CDH12: variants seen among roughly 807,000 people sequenced by gnomAD.
The protein encoded by CDH12 is cadherin 12.
A neutral mutation model predicts 74.1 loss-of-function variants in CDH12; 41 were observed. That is an observed-to-expected ratio of 0.55 (90% CI 0.43 to 0.72). The LOEUF (loss-of-function observed/expected upper bound fraction) is 0.72. Ranked by LOEUF, CDH12 falls within the 30% of genes least tolerant of loss-of-function variation. The pLI is 0.00. For missense variants in CDH12, 945 were observed against 977.2 expected, an observed-to-expected ratio of 0.97 and a Z score of 0.44; for synonymous variants, 399 against 355.0, an observed-to-expected ratio of 1.12 and a Z score of -1.39.
intron 6 of CDH12, among the ~76,000 whole-genome samples, chr5:21,876,564 C>G (rs1751949464): frequency 6.6e-6 from 1 of 152,166 alleles, no homozygotes; most frequent in African/African-American, 2.4e-5. Flanking sequence ...CTAAACATTT[C>G]TACAATGTTT....
At chr5:22,457,462 C>G (rs1389963884) in intron 2 of CDH12, among the ~76,000 whole-genome samples, 1 of 151,864 alleles carries the variant, frequency 6.6e-6, no homozygotes, top group African/African-American at 2.4e-5. Context: ...CTCTGTGGCC[C>G]AGGCTGGAGT....
Position 21,798,358 on chromosome 5 carries a change from G to A in CDH12, c.1256+3809C>T, listed in dbSNP as rs140046482. On this transcript the variant is annotated intron_variant, in intron 10 of 14. Transcript: ENST00000382254. ...GTGAATCATGTTGTAATATGGAAAT[G>A]TAAAATAATAGTTTGAATTCAGTGA... Among the ~76,000 whole-genome samples the A allele has an allele frequency of 5.8e-3, 885 of 151,998 alleles. 4 individuals carry two copies. Among genetic ancestry groups the A allele is most frequent in the Non-Finnish European group, 8.5e-3 (575 of 67,952 alleles).
At chr5:22,065,833 C>T (rs1313141659) in intron 5 of CDH12, among the ~76,000 whole-genome samples, 1 of 152,090 alleles carries the variant, frequency 6.6e-6, no homozygotes, top group East Asian at 1.9e-4. Flanking sequence ...GCATGTTTAC[C>T]AATAAACCAT....
At chr5:22,670,486 C>T (rs1038590) in intron 1 of CDH12, among the ~76,000 whole-genome samples, 77,899 of 151,932 alleles carry the variant, frequency 0.51, 20,657 homozygotes, top group Non-Finnish European at 0.58. Flanking sequence ...TTCCTTCTAG[C>T]TCACTTCTAT....
At chr5:22,723,667 G>C (rs999140667) in intron 1 of CDH12, among the ~76,000 whole-genome samples, 1 of 151,952 alleles carries the variant, frequency 6.6e-6, no homozygotes, top group Non-Finnish European at 1.5e-5. Flanking sequence ...TCTAAATTTT[G>C]AGACAATAAT....
At chr5:22,286,560 A>T (rs1215028882) in intron 3 of CDH12, among the ~76,000 whole-genome samples, 4 of 152,230 alleles carry the variant, frequency 2.6e-5, no homozygotes, top group Non-Finnish European at 5.9e-5. Flanking sequence ...TGTGAAATAC[A>T]ACACAATGTG....
chr5:21,904,766 G>A (rs1478768635), intron 6 of CDH12, among the ~76,000 whole-genome samples: 1 of 146,450 alleles, frequency 6.8e-6, no homozygotes, highest in Non-Finnish European at 1.5e-5. Context: ...ACCAAAGCAT[G>A]ACAGTGTCTC....
At chr5:21,880,616 CTT>C (rs1752256729) in intron 6 of CDH12, among the ~76,000 whole-genome samples, 1 of 50,810 alleles carries the variant, frequency 2.0e-5, no homozygotes, top group African/African-American at 8.8e-5. Flanking sequence ...TCCTTCCTTC[CTT>C]CTTTCTTTCT....
rs112144945 is a variant in CDH12 at position 22,041,157 on chromosome 5, A to G, written c.231+37289T>C. On this transcript the variant is annotated intron_variant, in intron 5 of 14. Transcript: ENST00000382254. ...CTTTAAGATGTTTTATGTAAGCCTC[A>G]TGGAAACCACAAAACACAAATATAT... Among the ~76,000 whole-genome samples, 1,374 of 152,200 alleles carry G rather than the reference A, an allele frequency of 9.0e-3. 12 individuals are homozygous for G. Among genetic ancestry groups the G allele is most frequent in the African/African-American group, 0.032 (1,311 of 41,568 alleles).
chr5:22,384,213 T>TA (rs1217973786), intron 3 of CDH12, among the ~76,000 whole-genome samples: 3 of 152,018 alleles, frequency 2.0e-5, no homozygotes, highest in Non-Finnish European at 2.9e-5. Flanking sequence ...AGATAAATAT[T>TA]AAAAAATGTC....
intron 3 of CDH12, among the ~76,000 whole-genome samples, chr5:22,309,532 T>C (rs77930683): frequency 0.025 from 3,818 of 152,232 alleles, 71 homozygotes; most frequent in African/African-American, 0.052. Context: ...AAGTGATTAC[T>C]ACAATAAAAC....
chr5:21,971,654 C>T (rs1271324063), intron 6 of CDH12, among the ~76,000 whole-genome samples: 1 of 152,114 alleles, frequency 6.6e-6, no homozygotes, highest in East Asian at 1.9e-4. Flanking sequence ...TAACTTAAAA[C>T]TGCACACCCC....
intron 4 of CDH12, among the ~76,000 whole-genome samples, chr5:22,108,586 A>G (rs2150257823): frequency 6.6e-6 from 1 of 152,358 alleles, no homozygotes; most frequent in East Asian, 1.9e-4. Flanking sequence ...GAGGCTAGTG[A>G]GCCATGACCT....
intron 6 of CDH12, among the ~76,000 whole-genome samples, chr5:21,949,213 G>A (rs1755713443): frequency 6.6e-6 from 1 of 151,780 alleles, no homozygotes; most frequent in Non-Finnish European, 1.5e-5. Flanking sequence ...AAAGAAATAG[G>A]CCCGAGGCGG....
intron 1 of CDH12, among the ~76,000 whole-genome samples, chr5:22,745,594 A>G (rs985309848): frequency 6.6e-6 from 1 of 152,224 alleles, no homozygotes; most frequent in Non-Finnish European, 1.5e-5. Flanking sequence ...GCCATAAAAA[A>G]GAATGAGATC....
At chr5:22,808,770 T>G (rs1327984480) in intron 1 of CDH12, among the ~76,000 whole-genome samples, 5 of 142,846 alleles carry the variant, frequency 3.5e-5, no homozygotes, top group South Asian at 2.3e-4. Context: ...TGGTTTTTTT[T>G]TTTTTTTTTT....
chr5:22,082,905 A>G (rs1018793359), intron 4 of CDH12, among the ~76,000 whole-genome samples: 1 of 152,168 alleles, frequency 6.6e-6, no homozygotes, highest in African/African-American at 2.4e-5. Context: ...TTTCTCTCTC[A>G]AAGTAGGCTG....
At chr5:22,406,490 G>A (rs973281032) in intron 2 of CDH12, among the ~76,000 whole-genome samples, 1 of 152,006 alleles carries the variant, frequency 6.6e-6, no homozygotes, top group Non-Finnish European at 1.5e-5. Context: ...TTTTGAATCT[G>A]GAAATTTGTT....
chr5:22,690,492 T>A (rs1004209447), intron 1 of CDH12, among the ~76,000 whole-genome samples: 24 of 152,166 alleles, frequency 1.6e-4, no homozygotes, highest in Non-Finnish European at 3.4e-4. Flanking sequence ...ATTCCCTGAC[T>A]CAATCTAAAT....
Sources: gnomAD v4.1 joint callset for allele counts (sites outside exome capture counted in the v4.1 genomes callset) on GRCh38, gnomAD v4.1.1 for gene constraint, MANE v1.5 for transcripts, NCBI Gene and HGNC (gene_info 2026-07-23, HGNC 2026-07-21) for gene names.